GNA12: variants seen among roughly 807,000 people sequenced by gnomAD.
The protein encoded by GNA12 is guanine nucleotide-binding protein subunit alpha-12.
Under a neutral mutation model 26.0 loss-of-function variants are expected in GNA12, and 9 were observed. The ratio of observed to expected loss-of-function variants is 0.35; its 90% CI spans 0.21 to 0.60. The LOEUF is 0.60. GNA12 is among the 20% of genes least tolerant of loss of function. GNA12 has a pLI of 0.78. For missense variants in GNA12, 405 were observed against 525.8 expected (o/e 0.77, Z 2.25); for synonymous variants, 264 against 219.6 (o/e 1.20, Z -1.79).
intron 2 of GNA12, among the ~76,000 whole-genome samples, chr7:2,793,700 T>C (rs1792577724): frequency 1.3e-5 from 2 of 151,808 alleles, no homozygotes; most frequent in Admixed American, 1.3e-4. Flanking sequence ...CTGGCCAACA[T>C]GGTAAAACTC....
chr7:2,805,577 G>A (rs1792926273), intron 1 of GNA12, among the ~76,000 whole-genome samples: 1 of 152,212 alleles, frequency 6.6e-6, no homozygotes, highest in Non-Finnish European at 1.5e-5. Flanking sequence ...GGAACAGGCA[G>A]GAGGCAGAAG....
At chr7:2,814,206 A>G (rs1011978923) in intron 1 of GNA12, 4 of 691,272 alleles carry the variant, frequency 5.8e-6, no homozygotes, top group African/African-American at 1.8e-5. Context: ...TCCATCATAA[A>G]TCTCCTTTTA....
chr7:2,757,862 T>G (rs1268804607), intron 2 of GNA12, among the ~76,000 whole-genome samples: 2 of 152,194 alleles, frequency 1.3e-5, no homozygotes, highest in Non-Finnish European at 2.9e-5. Flanking sequence ...ACTTTTTAAA[T>G]GGCAGCTTAA....
intron 1 of GNA12, among the ~76,000 whole-genome samples, chr7:2,819,619 G>A (rs951212643): frequency 6.6e-6 from 1 of 152,180 alleles, no homozygotes; most frequent in African/African-American, 2.4e-5. Flanking sequence ...CAAAGGATCT[G>A]TATAGCCATA....
At chr7:2,748,800 A>C (rs1007186285) in intron 2 of GNA12, among the ~76,000 whole-genome samples, 154 of 152,140 alleles carry the variant, frequency 1.0e-3, no homozygotes, top group African/African-American at 3.4e-3. Context: ...CAATGAACTC[A>C]AACAAATTTA....
At chr7:2,803,610 A>G (rs1792870597) in intron 1 of GNA12, among the ~76,000 whole-genome samples, 2 of 152,208 alleles carry the variant, frequency 1.3e-5, no homozygotes. Flanking sequence ...ATGGCTTAGA[A>G]GGGGTGACAT....
intron 1 of GNA12, among the ~76,000 whole-genome samples, chr7:2,831,443 G>A (rs1008303002): frequency 4.8e-5 from 6 of 124,908 alleles, no homozygotes; most frequent in South Asian, 4.9e-4. Flanking sequence ...TCACTCTGTC[G>A]CCCAGGCTGG....
chr7:2,815,670 C>T (rs1292843343), intron 1 of GNA12, among the ~76,000 whole-genome samples: 1 of 152,190 alleles, frequency 6.6e-6, no homozygotes, highest in East Asian at 1.9e-4. Flanking sequence ...CCCACAAGTA[C>T]CCCTCCGCCT....
intron 2 of GNA12, among the ~76,000 whole-genome samples, chr7:2,760,049 T>C (rs1040972310): frequency 3.9e-5 from 6 of 152,186 alleles, no homozygotes; most frequent in Admixed American, 2.6e-4. Flanking sequence ...ATGAAAACAC[T>C]AGGATGTCAA....
Position 2,824,380 on chromosome 7 carries a change from A to G in GNA12, c.309+19473T>C, listed in dbSNP as rs1793435126. On this transcript the variant is annotated intron_variant, in intron 1 of 3. Coordinates refer to ENST00000275364, the MANE Select transcript of GNA12 (RefSeq NM_007353.3). The stretch of plus-strand genomic sequence containing the variant: ...GGGTCTCCTCCCTCACTACACAGCC[A>G]TCACACTGGCTCCTCTGGGTCTGCG... 2.0e-5 allele frequency among the ~76,000 whole-genome samples: 3 copies of G among 152,224 alleles called. No homozygotes were observed. In the South Asian group the frequency reaches 6.2e-4, roughly 32 times the overall value.
chr7:2,767,705 T>C (rs748054492), intron 2 of GNA12, among the ~76,000 whole-genome samples: 11 of 152,230 alleles, frequency 7.2e-5, no homozygotes, highest in Admixed American at 1.3e-4. Flanking sequence ...ACCAGATATA[T>C]TTTGGAATTC....
chr7:2,791,495 T>G (rs185817158), intron 2 of GNA12, among the ~76,000 whole-genome samples: 1 of 152,226 alleles, frequency 6.6e-6, no homozygotes, highest in Non-Finnish European at 1.5e-5. Context: ...CTCCTCTTTT[T>G]GTTTCTATCT....
At chr7:2,738,971 A>T (rs554557868) in intron 2 of GNA12, among the ~76,000 whole-genome samples, 4 of 152,104 alleles carry the variant, frequency 2.6e-5, no homozygotes, top group Admixed American at 1.3e-4. Flanking sequence ...AGCCTGGCAC[A>T]CAGCCACCCC....
chr7:2,778,604 G>C (rs993685776), intron 2 of GNA12, among the ~76,000 whole-genome samples: 1 of 152,200 alleles, frequency 6.6e-6, no homozygotes, highest in Non-Finnish European at 1.5e-5. Context: ...GAAGAAAATC[G>C]TTCCTCCTAT....
At chr7:2,810,528 T>C (rs1037254681) in intron 1 of GNA12, among the ~76,000 whole-genome samples, 2 of 152,098 alleles carry the variant, frequency 1.3e-5, no homozygotes, top group African/African-American at 2.4e-5. Flanking sequence ...AGAAGGAACT[T>C]ACTCCTTGGG....
intron 1 of GNA12, among the ~76,000 whole-genome samples, chr7:2,833,356 C>G (rs1046033228): frequency 6.6e-6 from 1 of 152,152 alleles, no homozygotes; most frequent in Non-Finnish European, 1.5e-5. Flanking sequence ...AAAACCGGTA[C>G]GATCCATGAA....
chr7:2,826,848 A>G (rs1793495632), intron 1 of GNA12, among the ~76,000 whole-genome samples: 1 of 152,184 alleles, frequency 6.6e-6, no homozygotes, highest in Non-Finnish European at 1.5e-5. Flanking sequence ...AACTATTTTG[A>G]ATGATGCCAT....
intron 2 of GNA12, among the ~76,000 whole-genome samples, chr7:2,749,673 A>T (rs1235385621): frequency 6.6e-6 from 1 of 151,598 alleles, no homozygotes; most frequent in East Asian, 1.9e-4. Flanking sequence ...ATAATAAAAT[A>T]AAAAAAAAGA....
intron 2 of GNA12, among the ~76,000 whole-genome samples, chr7:2,759,367 G>A (rs1443216745): frequency 6.6e-6 from 1 of 152,126 alleles, no homozygotes; most frequent in African/African-American, 2.4e-5. Flanking sequence ...CTGTTCTAAG[G>A]GCCTCCCCCA....
Sources: gnomAD v4.1 joint callset for allele counts (sites outside exome capture counted in the v4.1 genomes callset) on GRCh38, gnomAD v4.1.1 for gene constraint, MANE v1.5 for transcripts, NCBI Gene and HGNC (gene_info 2026-07-23, HGNC 2026-07-21) for gene names.